The following CYB5R1 variants were observed in gnomAD, a reference collection of about 807,000 sequenced individuals.
CYB5R1 encodes NADH-cytochrome b5 reductase 1.
In CYB5R1, 32 loss-of-function variants were observed where a neutral mutation model predicts 37.4. The observed-to-expected ratio is 0.86, with a 90% confidence interval of 0.65 to 1.15. The LOEUF (loss-of-function observed/expected upper bound fraction) is 1.15. Among genes scored for constraint, CYB5R1 ranks in the 50% most tolerant of loss-of-function variants. CYB5R1 has a pLI of 0.00. For missense variants in CYB5R1, 345 were observed against 382.5 expected (o/e 0.90, Z 0.82); for synonymous variants, 159 against 155.2 (o/e 1.02, Z -0.18).
At chr1:202,965,081 C>G in intron 5 of CYB5R1, 1 of 404,122 alleles carries the variant, frequency 2.5e-6, no homozygotes, top group Non-Finnish European at 4.4e-6. Context: ...GCTCACTCCA[C>G]AGCTCACCCA....
At chr1:202,964,173 C>G (rs1655043979) in intron 6 of CYB5R1, 2 of 188,428 alleles carry the variant, frequency 1.1e-5, no homozygotes, top group South Asian at 2.6e-4. Context: ...CTCTGGAACC[C>G]CATTGTCTCT....
chr1:202,963,539 G>T, intron 7 of CYB5R1, 103 bp downstream of exon 7: 1 of 819,446 alleles, frequency 1.2e-6, no homozygotes, highest in Non-Finnish European at 1.9e-6. Context: ...TTGGGCAGAG[G>T]CTAAAACAGG....
At chr1:202,963,472 G>T in intron 7 of CYB5R1, 170 bp downstream of exon 7, 2 of 607,760 alleles carry the variant, frequency 3.3e-6, no homozygotes, top group Non-Finnish European at 5.8e-6. Context: ...ATTTGATTCA[G>T]TGCTCTGTCC....
Position 202,962,453 on chromosome 1 carries a change from A to C in CYB5R1, c.*74T>G. On this transcript the variant is annotated 3_prime_UTR_variant, in exon 9 of 9. Coordinates refer to ENST00000367249, the MANE Select transcript of CYB5R1 (RefSeq NM_016243.3). ...AAAACCTGAAACTCTGAGGAAAGGA[A>C]TCTAAGGCTTATAGTGCTTGAGTAC... The C allele has an allele frequency of 6.7e-7, 1 of 1,497,838 alleles. No individual in the cohort carries two copies. The highest frequency in any genetic ancestry group is 8.9e-7 in the Non-Finnish European group (1 of 1,117,672). 92.8% of individuals were successfully genotyped at this position (1,497,838 alleles called of 1,614,324 possible).
In CYB5R1 at chr1:202,966,848, G is replaced by A. The variant is rs1453034455; in HGVS notation, c.66C>T (p.Gly22=). The part of the protein sequence containing the change: ...SLGVGLVTLL[G]LAVGSYLVRR... Reference sequence around the variant, plus strand: ...GAACCAAGTAGGAGCCCACAGCCAGGCCGAGCAGAGTGACCAGCCCCACCC... The same window carrying A: ...GAACCAAGTAGGAGCCCACAGCCAGACCGAGCAGAGTGACCAGCCCCACCC... Residue 22 remains glycine (G), a synonymous_variant, in exon 2 of 9, where the codon GGC becomes GGT. Coordinates refer to ENST00000367249, the MANE Select transcript of CYB5R1 (RefSeq NM_016243.3). 6.2e-7 allele frequency: 1 copy of A among 1,613,944 alleles called. No individual in the cohort carries two copies. Among genetic ancestry groups the A allele is most frequent in the Non-Finnish European group, 8.5e-7 (1 of 1,179,934 alleles).
chr1:202,964,369 A>T, intron 6 of CYB5R1: 1 of 545,634 alleles, frequency 1.8e-6, no homozygotes. Context: ...TAAAACTATT[A>T]GATCCATTCA....
chr1:202,966,939 G>C (rs756048880), intron 1 of CYB5R1, 41 bp from the exon 2 acceptor site: 10 of 1,558,706 alleles, frequency 6.4e-6, no homozygotes, highest in Non-Finnish European at 6.9e-6. Context: ...GGCTGGGTAA[G>C]AGCCCGGGGC....
intron 3 of CYB5R1, 33 bp from the exon 4 acceptor site, chr1:202,966,026 G>T: frequency 2.2e-6 from 3 of 1,366,978 alleles, no homozygotes; most frequent in Non-Finnish European, 3.1e-6. Flanking sequence ...CATAAGGGTT[G>T]TCTGTGATGT....
intron 6 of CYB5R1, chr1:202,964,343 TCTCTC>T (rs1457682904): frequency 6.0e-6 from 3 of 500,490 alleles, no homozygotes; most frequent in African/African-American, 5.8e-5. Flanking sequence ...CCTAGCTGCT[TCTCTC>T]TTCTCTCACC....
At position 202,966,773 on chromosome 1, in the gene CYB5R1, G is replaced by A. The variant is rs1290641796; in HGVS notation, c.141C>T (p.Tyr47=). ...CCGTCTTGTCTAGCAGTCGTAGCAGGTACTTTTCATTGGGGTCCAGGAGAG... is the reference window on the plus strand; with the variant it reads ...CCGTCTTGTCTAGCAGTCGTAGCAGATACTTTTCATTGGGGTCCAGGAGAG... ...QVTLLDPNEK[Y]LLRLLDKTTV... is the part of the protein sequence containing the mutation. The change falls in exon 2 of 9, where the codon TAC becomes TAT. Residue 47 remains tyrosine, a synonymous_variant. Coordinates refer to ENST00000367249, the MANE Select transcript of CYB5R1 (RefSeq NM_016243.3). 14 of 1,614,034 alleles carry A rather than the reference G, an allele frequency of 8.7e-6. No homozygotes were observed. Among genetic ancestry groups the A allele is most frequent in the Non-Finnish European group, 1.1e-5 (13 of 1,180,010 alleles).
chr1:202,965,478 G>C lies in CYB5R1; in HGVS notation c.368C>G (p.Pro123Arg). ...CATCTTCCCTCCCTCAGGAAATTTG[G>C]GGTGCACACCCTTCAGGTAGACCTT... ...VIKVYLKGVH[P>R]KFPEGGKMSQ... The change falls in exon 5 of 9, where the codon CCC becomes CGC. Residue 123 changes from proline to arginine, a missense_variant. Coordinates refer to ENST00000367249, the MANE Select transcript of CYB5R1 (RefSeq NM_016243.3). 2 of 1,600,300 alleles carry C rather than the reference G, an allele frequency of 1.2e-6. No individual in the cohort carries two copies. The highest frequency in any genetic ancestry group is 1.7e-6 in the Non-Finnish European group (2 of 1,173,530).
intron 3 of CYB5R1, 40 bp from the exon 4 acceptor site, chr1:202,966,033 A>C: frequency 7.8e-7 from 1 of 1,287,478 alleles, no homozygotes; most frequent in Non-Finnish European, 1.1e-6. Context: ...GTTGTCTGTG[A>C]TGTGCTGCAT....
chr1:202,966,037 G>T, intron 3 of CYB5R1, 44 bp from the exon 4 acceptor site: 1 of 1,251,048 alleles, frequency 8.0e-7, no homozygotes, highest in Admixed American at 1.8e-5. Flanking sequence ...TCTGTGATGT[G>T]CTGCATCCCT....
At chr1:202,966,999 G>C in intron 1 of CYB5R1, 101 bp from the exon 2 acceptor site, 1 of 1,473,794 alleles carries the variant, frequency 6.8e-7, no homozygotes, top group Non-Finnish European at 9.1e-7. Flanking sequence ...CAGCGCGGAG[G>C]CATGCCAAGG....
chr1:202,963,464 T>C (rs2102503062), intron 7 of CYB5R1, 178 bp downstream of exon 7: 1 of 604,200 alleles, frequency 1.7e-6, no homozygotes, highest in African/African-American at 1.9e-5. Context: ...GGGAAGGAAT[T>C]TGATTCAGTG....
In CYB5R1 at chr1:202,962,540, CG is replaced by C; in HGVS notation, c.904del (p.Arg302AspfsTer57). 1 of 1,609,494 alleles carries C rather than the reference CG, an allele frequency of 6.2e-7. No homozygotes were observed. On this transcript the variant is annotated frameshift_variant, in exon 9 of 9. Coordinates refer to ENST00000367249, the MANE Select transcript of CYB5R1 (RefSeq NM_016243.3). LOFTEE classifies it high-confidence loss of function. ...GCTGGAGGATGCTCAGTAGGTGAAT[CG>C]CATCTTTTGTGAGTAGCCCAGTTTG... The part of the protein sequence containing the change: ...LDKLGYSQKM[R>X]FTY
chr1:202,965,256 G>A, intron 5 of CYB5R1, 115 bp downstream of exon 5: 2 of 1,236,982 alleles, frequency 1.6e-6, no homozygotes, highest in Non-Finnish European at 2.2e-6. Context: ...TTAGAAGGAA[G>A]GGCGGCCCTG....
intron 3 of CYB5R1, 159 bp downstream of exon 3, chr1:202,966,369 C>T (rs1655092407): frequency 1.3e-6 from 1 of 770,178 alleles, no homozygotes; most frequent in Admixed American, 2.3e-5. Flanking sequence ...CTAGAGGGGC[C>T]CAGTGGCACC....
intron 6 of CYB5R1, 21 bp from the exon 7 acceptor site, chr1:202,963,748 G>C (rs774522378): frequency 6.4e-7 from 1 of 1,563,662 alleles, no homozygotes; most frequent in Non-Finnish European, 8.7e-7. Context: ...ATACCCCACA[G>C]TGAAATGTAG....
Sources: gnomAD v4.1 joint callset for allele counts on GRCh38, gnomAD v4.1.1 for gene constraint, MANE v1.5 for transcripts, NCBI Gene and HGNC (gene_info 2026-07-23, HGNC 2026-07-21) for gene names.